The following FBN2 variants were observed in gnomAD, a reference collection of about 807,000 sequenced individuals.
FBN2 encodes the protein fibrillin 2.
FBN2 carries 105 observed loss-of-function variants against 355.6 expected under a neutral mutation model. The observed-to-expected ratio is 0.30, with a 90% confidence interval of 0.25 to 0.35. The LOEUF (loss-of-function observed/expected upper bound fraction) is 0.35, where lower values mean the gene tolerates loss of function less well. Ranked by LOEUF, FBN2 falls within the 10% of genes least tolerant of loss-of-function variation. The pLI is 1.00. For synonymous variants in FBN2, 1,350 were observed against 1,301.2 expected, an observed-to-expected ratio of 1.04 and a Z score of -0.81; for missense variants, 3,280 against 3,758.7, an observed-to-expected ratio of 0.87 and a Z score of 3.33.
chr5:128,458,519 C>T (rs1338633896), intron 6 of FBN2, among the ~76,000 whole-genome samples: 1 of 150,344 alleles, frequency 6.7e-6, no homozygotes, highest in African/African-American at 2.4e-5. Context: ...CTTCTCAGTG[C>T]CACTTATTCT....
At chr5:128,439,973 A>T (rs1261788342) in intron 7 of FBN2, among the ~76,000 whole-genome samples, 1 of 152,192 alleles carries the variant, frequency 6.6e-6, no homozygotes, top group Non-Finnish European at 1.5e-5. Context: ...TATCTGTTTC[A>T]AATAATACCC....
chr5:128,291,494 G>C lies in FBN2; in HGVS notation c.6292+35C>G, dbSNP rs548876575. 8 of 1,611,054 alleles carry C rather than the reference G, an allele frequency of 5.0e-6. No individual in the cohort carries two copies. In the Admixed American group the frequency reaches 1.0e-4, roughly 20 times the overall value. ...CAATTCAGCTTTAAAGTTTCTAAGC[G>C]TGAACTGTGACAGTGAAGTCATGCC... On this transcript the variant is annotated intron_variant, in intron 49 of 64. Coordinates refer to ENST00000262464, the MANE Select transcript of FBN2 (RefSeq NM_001999.4).
rs750103822 is a variant in FBN2 at position 128,393,190 on chromosome 5, G to T, written c.1410C>A (p.Gly470=). The change falls in exon 10 of 65, where the codon GGC becomes GGA. Residue 470 remains glycine, a synonymous_variant. Transcript: ENST00000262464. ...PIPGGNGFSP[G]VGGAGVGAGG... Reference sequence around the variant, plus strand: ...CGGCCCCCACACCGGCTCCCCCAACGCCAGGAGAAAAGCCATTGCCTCCAG... The same window carrying T: ...CGGCCCCCACACCGGCTCCCCCAACTCCAGGAGAAAAGCCATTGCCTCCAG... 6 of 1,613,986 alleles carry T rather than the reference G, an allele frequency of 3.7e-6. No individual in the cohort carries two copies. The highest frequency in any genetic ancestry group is 2.7e-5 in the African/African-American group (2 of 74,900).
At chr5:128,522,059 A>G (rs184583688) in intron 4 of FBN2, among the ~76,000 whole-genome samples, 176 of 152,334 alleles carry the variant, frequency 1.2e-3, no homozygotes, top group Non-Finnish European at 1.6e-3. Flanking sequence ...AATTTCTAAT[A>G]CTATAAATAT....
At position 128,276,063 on chromosome 5, in the gene FBN2, C is replaced by T. The variant is rs375141964; in HGVS notation, c.7569G>A (p.Leu2523=). 2.5e-5 allele frequency: 40 copies of T among 1,613,852 alleles called. No homozygotes were observed. In the African/African-American group the frequency reaches 5.2e-4, roughly 21 times the overall value. ...YQCSCPRGYV[L]QEDGKTCKDL... is the part of the protein sequence containing the mutation. ...CTTTGCATGTCTTTCCATCCTCTTG[C>T]AGGACATACCCCCTCGGACATGAAC... is the stretch of plus-strand genomic sequence containing the variant. Residue 2523 remains leucine, a synonymous_variant, in exon 59 of 65, where the codon CTG becomes CTA. Coordinates refer to ENST00000262464, the MANE Select transcript of FBN2 (RefSeq NM_001999.4).
At chr5:128,372,384 A>G (rs1162950136) in intron 15 of FBN2, among the ~76,000 whole-genome samples, 1 of 152,228 alleles carries the variant, frequency 6.6e-6, no homozygotes, top group Non-Finnish European at 1.5e-5. Context: ...GACTAAAACA[A>G]AAAACAAAAA....
rs752203500 is a variant in FBN2, at chr5:128,536,457, G to C, written c.282C>G (p.His94Gln). The C allele has an allele frequency of 6.2e-7, 1 of 1,614,102 alleles. No individual in the cohort carries two copies. The highest frequency in any genetic ancestry group is 1.7e-5 in the Admixed American group (1 of 60,020). Residue 94 changes from histidine to glutamine, a missense_variant, in exon 2 of 65, where the codon CAC becomes CAG. Physicochemically the swap from His to Gln is conservative, Grantham distance 24. Coordinates refer to ENST00000262464, the MANE Select transcript of FBN2 (RefSeq NM_001999.4). Reference protein sequence around the residue: ...RGPNVCGSRFHSYCCPGWKTL... With the variant: ...RGPNVCGSRFQSYCCPGWKTL... ...TCTTCCATCCAGGGCAGCAGTAGGA[G>C]TGGAATCTGGAGCCGCACACGTTGG...
chr5:128,366,469 C>A (rs1751770055), intron 16 of FBN2, 39 bp from the exon 17 acceptor site: 2 of 1,282,192 alleles, frequency 1.6e-6, no homozygotes, highest in South Asian at 2.4e-5. Context: ...AAAAACTTAA[C>A]TATACCTATT....
At chr5:128,344,689 G>A (rs1581230889) in intron 24 of FBN2, among the ~76,000 whole-genome samples, 179 bp from the exon 25 acceptor site, 1 of 150,912 alleles carries the variant, frequency 6.6e-6, no homozygotes, top group South Asian at 2.1e-4. Context: ...TGGTGAAAAA[G>A]ATCTTATATT....
chr5:128,450,710 T>C (rs1754214804), intron 6 of FBN2, among the ~76,000 whole-genome samples: 1 of 151,954 alleles, frequency 6.6e-6, no homozygotes, highest in South Asian at 2.1e-4. Context: ...AAAATAGAGA[T>C]AATCAATTAC....
At position 128,369,263 on chromosome 5, in the gene FBN2, C is replaced by G. The variant is rs140652276; in HGVS notation, c.2167G>C (p.Val723Leu). ...GVCVRPFPGAVTKSECCCANP... is the reference protein window; with the variant it reads ...GVCVRPFPGALTKSECCCANP... ...GCACAGCAGCATTCGGACTTGGTCA[C>G]TGCACCGGGGAAAGGACGCACACAC... The change falls in exon 16 of 65, where the codon GTG (valine) becomes CTG (leucine). Residue 723 changes from valine to leucine, a missense_variant. Physicochemically the swap from Val to Leu is conservative, Grantham distance 32 (BLOSUM62 1). This residue lies in a region of FBN2 where 2,284 missense variants were observed against 2,749.5 expected (regional missense o/e 0.83). Transcript: ENST00000262464. 2 of 1,614,020 alleles carry G rather than the reference C, an allele frequency of 1.2e-6. No homozygotes were observed. Among genetic ancestry groups the G allele is most frequent in the African/African-American group, 2.7e-5 (2 of 74,922 alleles).
intron 46 of FBN2, 44 bp from the exon 47 acceptor site, chr5:128,301,554 A>G (rs202049398): frequency 1.9e-6 from 3 of 1,592,634 alleles, no homozygotes; most frequent in Admixed American, 1.7e-5. Flanking sequence ...AGCTCTTAAC[A>G]TGTATATTGT....
In FBN2 at chr5:128,361,716, C is replaced by T. The variant is rs773533937; in HGVS notation, c.2554+7G>A. 1 of 1,614,130 alleles carries T rather than the reference C, an allele frequency of 6.2e-7. No homozygotes were observed. The highest frequency in any genetic ancestry group is 2.2e-5 in the East Asian group (1 of 44,876). ...TGCACAAATAAGGCGATGAAGACAG[C>T]TCTTACCTTCACAGGTCTCTGTCTC... On this transcript the variant is annotated splice_region_variant and intron_variant, in intron 19 of 64. Transcript: ENST00000262464.
At chr5:128,351,672 T>C (rs1239204662) in intron 20 of FBN2, among the ~76,000 whole-genome samples, 2 of 152,106 alleles carry the variant, frequency 1.3e-5, no homozygotes, top group Non-Finnish European at 2.9e-5. Flanking sequence ...TCTCACATAA[T>C]ATGGTAATTA....
rs1471224497 is a variant in FBN2, at chr5:128,366,403, C to A, written c.2276G>T (p.Gly759Val). The change falls in exon 17 of 65, where the codon GGA becomes GTA. Residue 759 changes from glycine (G) to valine (V), a missense_variant. By Grantham distance (109) the Gly-to-Val change is moderately radical. Coordinates refer to ENST00000262464, the MANE Select transcript of FBN2 (RefSeq NM_001999.4). ...TCTTCCATCCACAGTGATACCTACT[C>A]CACTACTACAAAGGCCGTGGAATTC... ...SAEFHGLCSS[G>V]VGITVDGRDI... The A allele has an allele frequency of 6.2e-7, 1 of 1,605,554 alleles. No homozygotes were observed. The highest frequency in any genetic ancestry group is 1.7e-5 in the Admixed American group (1 of 59,770).
chr5:128,322,413 T>G (rs1486167227), intron 34 of FBN2, among the ~76,000 whole-genome samples: 1 of 152,212 alleles, frequency 6.6e-6, no homozygotes, highest in Admixed American at 6.5e-5. Flanking sequence ...TTTTTTATGG[T>G]TTTAGGTCTT....
intron 8 of FBN2, among the ~76,000 whole-genome samples, chr5:128,403,130 G>A (rs757007234): frequency 1.3e-5 from 2 of 151,762 alleles, no homozygotes; most frequent in Admixed American, 6.6e-5. Context: ...AACAGCCAGC[G>A]TTACATAGAG....
intron 10 of FBN2, 146 bp downstream of exon 10, chr5:128,392,983 CCTCTGT>C: frequency 1.4e-6 from 1 of 692,746 alleles, no homozygotes; most frequent in African/African-American, 1.8e-5. Flanking sequence ...AACACTTTTC[CCTCTGT>C]CTCTCTCTCT....
chr5:128,383,301 A>T (rs1752281891), intron 11 of FBN2, among the ~76,000 whole-genome samples: 2 of 152,026 alleles, frequency 1.3e-5, no homozygotes, highest in Admixed American at 6.6e-5. Flanking sequence ...ACAAAAAATA[A>T]ACTTCATACA....
Sources: allele counts gnomAD v4.1 joint callset (sites outside exome capture counted in the v4.1 genomes callset), GRCh38; gene constraint gnomAD v4.1.1; regional missense constraint gnomAD v4.1.1; transcripts MANE v1.5; gene names NCBI Gene and HGNC (gene_info 2026-07-23, HGNC 2026-07-21).